The following BRWD3 variants were observed in gnomAD, a reference collection of about 807,000 sequenced individuals.
The protein encoded by BRWD3 is bromodomain and WD repeat domain containing 3.
Under a neutral mutation model 149.7 loss-of-function variants are expected in BRWD3, and 10 were observed. That is an observed-to-expected ratio of 0.07 (90% CI 0.04 to 0.11). The LOEUF is 0.11. Among genes scored for constraint, BRWD3 ranks in the 10% least tolerant of loss-of-function variants. BRWD3 has a pLI of 1.00. For synonymous variants in BRWD3, 504 were observed against 456.7 expected, an observed-to-expected ratio of 1.10 and a Z score of -1.32; for missense variants, 940 against 1,373.2, an observed-to-expected ratio of 0.68 and a Z score of 4.99.
At position 80,669,988 on chromosome X, in the gene BRWD3, T is replaced by A. The variant is rs1159009390; in HGVS notation, c.*6621A>T. 9.0e-6 allele frequency among the ~76,000 whole-genome samples: 1 copy of A among 110,911 alleles called. No individual in the cohort carries two copies. Among genetic ancestry groups the A allele is most frequent in the Non-Finnish European group, 1.9e-5 (1 of 52,926 alleles). On this transcript the variant is annotated 3_prime_UTR_variant, in exon 41 of 41. Transcript: ENST00000373275. ...ATATCAATTTGTTAATTAATAACTG[T>A]TAAAACTAGATGTCTAGAATAATTA... is the stretch of plus-strand genomic sequence containing the variant.
chrX:80,770,241 A>G (rs1309826307), intron 6 of BRWD3, among the ~76,000 whole-genome samples: 1 of 111,791 alleles, frequency 8.9e-6, no homozygotes, highest in African/African-American at 3.3e-5. Flanking sequence ...AACCTCCCCA[A>G]CTCATTTTAT....
intron 6 of BRWD3, among the ~76,000 whole-genome samples, chrX:80,757,739 A>C (rs1381121724): frequency 8.9e-6 from 1 of 112,449 alleles, no homozygotes; most frequent in East Asian, 2.8e-4. Flanking sequence ...AAATATTCAA[A>C]TAATGACAGG....
At chrX:80,764,930 A>T (rs1465224091) in intron 6 of BRWD3, among the ~76,000 whole-genome samples, 2 of 112,074 alleles carry the variant, frequency 1.8e-5, no homozygotes, top group Middle Eastern at 4.6e-3. Context: ...CAACATTAGT[A>T]GCTGTGATAG....
intron 6 of BRWD3, among the ~76,000 whole-genome samples, chrX:80,789,817 ACTC>A (rs1187872736): frequency 9.5e-6 from 1 of 104,755 alleles, no homozygotes; most frequent in African/African-American, 3.4e-5. Flanking sequence ...TGACCATGGA[ACTC>A]CTTTTTTTTT....
At chrX:80,725,917 C>T (rs1240100792) in intron 14 of BRWD3, among the ~76,000 whole-genome samples, 1 of 110,254 alleles carries the variant, frequency 9.1e-6, no homozygotes, top group Non-Finnish European at 1.9e-5. Context: ...TGTTACATGC[C>T]TATATGACAT....
chrX:80,710,485 G>A, intron 20 of BRWD3: 1 of 378,073 alleles, frequency 2.6e-6, no homozygotes, highest in East Asian at 5.8e-5. Context: ...GGTTAAACAT[G>A]GTCTGCATGC....
chrX:80,771,754 C>T (rs1401582530), intron 6 of BRWD3, among the ~76,000 whole-genome samples: 4 of 111,819 alleles, frequency 3.6e-5, no homozygotes, highest in Non-Finnish European at 7.5e-5. Flanking sequence ...CAACAAAGAA[C>T]TCAAACAAAT....
Position 80,710,392 on chromosome X carries a change from TC to T in BRWD3, c.2326-816del. The T allele has an allele frequency of 8.9e-6, 3 of 338,695 alleles. No individual in the cohort carries two copies. In the South Asian group the frequency reaches 9.9e-5, roughly 11 times the overall value. 27.9% of individuals were successfully genotyped at this position (338,695 alleles called of 1,213,427 possible). A position where few individuals can be genotyped will look rare whatever the true frequency, so the allele number is the denominator to read the frequency against. The stretch of plus-strand genomic sequence containing the variant: ...TGACTATTTTGACTACAGAGCTACG[TC>T]CACTGGGGCCCATTCTCAGTCAGCT... On this transcript the variant is annotated intron_variant, in intron 20 of 40. Transcript: ENST00000373275.
chrX:80,713,006 C>A (rs1284917624), intron 20 of BRWD3, among the ~76,000 whole-genome samples: 1 of 108,650 alleles, frequency 9.2e-6, no homozygotes, highest in Non-Finnish European at 1.9e-5. Flanking sequence ...CCACCCCGTC[C>A]GGGAGGGAGG....
intron 24 of BRWD3, among the ~76,000 whole-genome samples, chrX:80,701,572 A>G (rs991797428): frequency 7.0e-5 from 6 of 86,050 alleles, no homozygotes; most frequent in Non-Finnish European, 1.4e-4. Flanking sequence ...AAAAAAAAAA[A>G]GTAGTGATAG....
At chrX:80,805,732 G>A (rs922139418) in intron 4 of BRWD3, among the ~76,000 whole-genome samples, 58 of 111,541 alleles carry the variant, frequency 5.2e-4, no homozygotes, top group African/African-American at 1.4e-3. Flanking sequence ...TCAAGAAATC[G>A]AGACCATCCT....
chrX:80,780,377 A>G (rs1449330601), intron 6 of BRWD3, among the ~76,000 whole-genome samples: 3 of 111,615 alleles, frequency 2.7e-5, no homozygotes, highest in Non-Finnish European at 5.6e-5. Flanking sequence ...AAGCCCTCAT[A>G]TAATAAAATC....
rs1251170968 is a variant in BRWD3, at chrX:80,704,240, T to TA, written c.2721+437dup. ...TGGGCAACATAAGACCCCATCTCTT[T>TA]AAAAAAAACACCAAAAAACATAGTG... On this transcript the variant is annotated intron_variant, in intron 23 of 40. Coordinates refer to ENST00000373275, the MANE Select transcript of BRWD3 (RefSeq NM_153252.5). Among the ~76,000 whole-genome samples the TA allele has an allele frequency of 1.1e-3, 68 of 61,953 alleles. 1 individual carries two copies. Among genetic ancestry groups the TA allele is most frequent in the Non-Finnish European group, 2.3e-3 (56 of 24,583 alleles). The allele number at this position is 61,953 out of a possible 115,157, so 53.8% of individuals were successfully genotyped here. A position where few individuals can be genotyped will look rare whatever the true frequency, so the allele number is the denominator to read the frequency against.
intron 24 of BRWD3, among the ~76,000 whole-genome samples, 176 bp from the exon 25 acceptor site, chrX:80,700,240 C>T (rs2072761735): frequency 1.9e-5 from 2 of 106,562 alleles, no homozygotes; most frequent in South Asian, 8.4e-4. Context: ...CCTACGTAGC[C>T]CTGTGCTCAG....
Position 80,747,829 on chromosome X carries a change from T to C in BRWD3, c.431-2100A>G, listed in dbSNP as rs181622186. On this transcript the variant is annotated intron_variant, in intron 6 of 40. Transcript: ENST00000373275. ...GTATATCAGTTATAAGAGGGTTCTT[T>C]TGGTGGATTTTTAGGGTTTTCTACA... Among the ~76,000 whole-genome samples the C allele has an allele frequency of 3.4e-3, 376 of 112,063 alleles. 3 individuals are homozygous for C. The highest frequency in any genetic ancestry group is 0.012 in the African/African-American group (367 of 30,905).
chrX:80,797,401 A>G, intron 4 of BRWD3, among the ~76,000 whole-genome samples: 2 of 111,323 alleles, frequency 1.8e-5, no homozygotes, highest in South Asian at 7.5e-4. Context: ...TCACTTAACT[A>G]CCCTAGAAAT....
At chrX:80,681,812 G>A (rs1382125439) in intron 39 of BRWD3, among the ~76,000 whole-genome samples, 185 bp downstream of exon 39, 2 of 111,524 alleles carry the variant, frequency 1.8e-5, no homozygotes, top group African/African-American at 3.2e-5. Flanking sequence ...ATAAAGAAAA[G>A]GAATCATATG....
intron 6 of BRWD3, among the ~76,000 whole-genome samples, chrX:80,768,918 A>G (rs1057241216): frequency 2.7e-5 from 3 of 109,207 alleles, no homozygotes; most frequent in East Asian, 2.8e-4. Context: ...AAAAAAAAGA[A>G]AAAAAAAAGC....
intron 6 of BRWD3, among the ~76,000 whole-genome samples, chrX:80,781,881 T>C (rs965731495): frequency 7.2e-5 from 8 of 111,580 alleles, no homozygotes; most frequent in Non-Finnish European, 1.3e-4. Flanking sequence ...GGAAAGATAT[T>C]CCATATTCAT....
Sources: allele counts gnomAD v4.1 joint callset (sites outside exome capture counted in the v4.1 genomes callset), GRCh38; gene constraint gnomAD v4.1.1; transcripts MANE v1.5; gene names NCBI Gene and HGNC (gene_info 2026-07-23, HGNC 2026-07-21).